Variants in NELL1 observed in about 807,000 individuals in gnomAD.
NELL1 encodes protein kinase C-binding protein NELL1.
A neutral mutation model predicts 107.4 loss-of-function variants in NELL1; 76 were observed. The observed-to-expected ratio is 0.71, with a 90% confidence interval of 0.59 to 0.86. NELL1 has a LOEUF of 0.86. Ranked by LOEUF, NELL1 falls within the 40% of genes least tolerant of loss-of-function variation. The pLI is 0.00. For synonymous variants in NELL1, 353 were observed against 341.2 expected (o/e 1.03, Z -0.38); for missense variants, 1,024 against 1,005.5 (o/e 1.02, Z -0.25).
chr11:21,569,829 C>T (rs1857057907), intron 17 of NELL1, among the ~76,000 whole-genome samples: 1 of 151,774 alleles, frequency 6.6e-6, no homozygotes, highest in African/African-American at 2.4e-5. Flanking sequence ...ATGACCTCAA[C>T]TGTAGGTCAG....
At chr11:20,773,966 T>C (rs1291428562) in intron 2 of NELL1, among the ~76,000 whole-genome samples, 9 of 151,808 alleles carry the variant, frequency 5.9e-5, no homozygotes, top group Admixed American at 5.9e-4. Context: ...ATGACCTTTT[T>C]TTCCCCTCTC....
At chr11:21,256,108 A>G (rs1020532186) in intron 14 of NELL1, among the ~76,000 whole-genome samples, 1 of 151,986 alleles carries the variant, frequency 6.6e-6, no homozygotes, top group East Asian at 1.9e-4. Flanking sequence ...ATTGCCTAGC[A>G]TACCATCTGG....
intron 15 of NELL1, among the ~76,000 whole-genome samples, chr11:21,438,175 T>G (rs1159942748): frequency 6.6e-6 from 1 of 152,192 alleles, no homozygotes; most frequent in Non-Finnish European, 1.5e-5. Flanking sequence ...TGATAATAAT[T>G]TCCCTCAGTT....
chr11:21,128,649 A>G lies in NELL1; in HGVS notation c.1426+14935A>G, dbSNP rs1405409709. ...TGGTTATAATAAAAATGCGGCATTGATTAGAAGAGGCAGACCTTATCCCTT... is the reference window on the plus strand; with the variant it reads ...TGGTTATAATAAAAATGCGGCATTGGTTAGAAGAGGCAGACCTTATCCCTT... On this transcript the variant is annotated intron_variant, in intron 13 of 19. Coordinates refer to ENST00000357134, the MANE Select transcript of NELL1 (RefSeq NM_006157.5). Among the ~76,000 whole-genome samples, 4 of 152,300 alleles carry G rather than the reference A, an allele frequency of 2.6e-5. No homozygotes were observed. The East Asian group carries it at 7.7e-4, about 29-fold the overall frequency.
intron 2 of NELL1, among the ~76,000 whole-genome samples, chr11:20,740,331 A>T (rs1439041031): frequency 6.6e-6 from 1 of 152,186 alleles, no homozygotes. Flanking sequence ...ATGAAGACAG[A>T]CTGAGCAGTC....
intron 3 of NELL1, among the ~76,000 whole-genome samples, chr11:20,829,123 C>G (rs1428926510): frequency 6.6e-6 from 1 of 151,966 alleles, no homozygotes; most frequent in Non-Finnish European, 1.5e-5. Context: ...AATGATACAG[C>G]AAGTCTTGTA....
chr11:21,527,333 C>T (rs1564941907), intron 15 of NELL1, among the ~76,000 whole-genome samples: 1 of 152,170 alleles, frequency 6.6e-6, no homozygotes, highest in Non-Finnish European at 1.5e-5. Context: ...TTTCCCGTAT[C>T]TTCCTGTCTT....
intron 12 of NELL1, among the ~76,000 whole-genome samples, chr11:21,064,343 A>T (rs775956186): frequency 5.9e-5 from 9 of 152,184 alleles, no homozygotes; most frequent in Non-Finnish European, 2.9e-5. Context: ...AATAGAAGGA[A>T]TACTAGTTTT....
At chr11:21,454,646 C>A (rs1326220107) in intron 15 of NELL1, among the ~76,000 whole-genome samples, 1 of 152,200 alleles carries the variant, frequency 6.6e-6, no homozygotes, top group African/African-American at 2.4e-5. Context: ...AAATGACAGA[C>A]ATTTATTTGT....
chr11:21,574,698 G>T (rs916917105), intron 19 of NELL1, among the ~76,000 whole-genome samples: 1 of 151,726 alleles, frequency 6.6e-6, no homozygotes, highest in Admixed American at 6.6e-5. Context: ...GGAAATCCCA[G>T]GGAGGCCTCC....
At position 21,203,463 on chromosome 11, in the gene NELL1, C is replaced by A. The variant is rs181677464; in HGVS notation, c.1427-25869C>A. Among the ~76,000 whole-genome samples the A allele has an allele frequency of 1.4e-3, 170 of 121,602 alleles. 1 individual carries two copies. The highest frequency in any genetic ancestry group is 5.4e-3 in the African/African-American group (166 of 30,544). The allele number at this position is 121,602 out of a possible 152,430, so 79.8% of individuals were successfully genotyped here. A position where few individuals can be genotyped will look rare whatever the true frequency, so the allele number is the denominator to read the frequency against. On this transcript the variant is annotated intron_variant, in intron 13 of 19. Transcript: ENST00000357134. ...TTTTTTTTTTTTGGCTTTCAATTTG[C>A]GTGGTAAATATTCCTCCATCCTTTT... is the stretch of plus-strand genomic sequence containing the variant.
chr11:21,239,789 G>A (rs1036915474), intron 14 of NELL1, among the ~76,000 whole-genome samples: 4 of 152,002 alleles, frequency 2.6e-5, no homozygotes, highest in Non-Finnish European at 5.9e-5. Context: ...CAAGATAGAT[G>A]GTTCTTGGCT....
intron 12 of NELL1, among the ~76,000 whole-genome samples, chr11:21,031,599 G>C (rs1387023265): frequency 6.6e-6 from 1 of 152,158 alleles, no homozygotes; most frequent in Non-Finnish European, 1.5e-5. Flanking sequence ...GTGAGGCAGT[G>C]AAAATAATAG....
At chr11:20,697,916 T>A (rs1156393018) in intron 2 of NELL1, among the ~76,000 whole-genome samples, 2 of 152,186 alleles carry the variant, frequency 1.3e-5, no homozygotes, top group Non-Finnish European at 2.9e-5. Context: ...TAGCTGTTAA[T>A]GCTCAGAAAA....
intron 3 of NELL1, among the ~76,000 whole-genome samples, chr11:20,820,444 C>T (rs1212614272): frequency 6.6e-6 from 1 of 152,156 alleles, no homozygotes; most frequent in Admixed American, 6.5e-5. Context: ...AGTTACAGCA[C>T]ACCATAATAT....
chr11:21,255,827 G>C (rs945312622), intron 14 of NELL1, among the ~76,000 whole-genome samples: 13 of 151,812 alleles, frequency 8.6e-5, no homozygotes, highest in Non-Finnish European at 2.9e-5. Flanking sequence ...ACTTCTAATG[G>C]GGAACACCTC....
intron 15 of NELL1, among the ~76,000 whole-genome samples, chr11:21,511,492 G>A (rs1855433826): frequency 6.6e-6 from 1 of 152,104 alleles, no homozygotes; most frequent in Non-Finnish European, 1.5e-5. Flanking sequence ...GGTTTACAGT[G>A]CAGTGAAGGA....
intron 15 of NELL1, among the ~76,000 whole-genome samples, chr11:21,383,258 T>C (rs929330460): frequency 2.5e-5 from 3 of 119,568 alleles, no homozygotes; most frequent in Non-Finnish European, 5.3e-5. Flanking sequence ...TCTGAAACGA[T>C]AAGCAGTATT....
intron 15 of NELL1, among the ~76,000 whole-genome samples, chr11:21,530,990 ATGT>A (rs1476899904): frequency 1.3e-5 from 2 of 152,094 alleles, no homozygotes; most frequent in African/African-American, 4.8e-5. Flanking sequence ...CCTGCATAAA[ATGT>A]TGTCTGTTTT....
Sources: allele counts gnomAD v4.1 joint callset (sites outside exome capture counted in the v4.1 genomes callset), GRCh38; gene constraint gnomAD v4.1.1; transcripts MANE v1.5; gene names NCBI Gene and HGNC (gene_info 2026-07-23, HGNC 2026-07-21).